Variants in COL5A1 observed in about 807,000 individuals in gnomAD.
COL5A1 encodes collagen alpha-1(V) chain.
In COL5A1, 16 loss-of-function variants were observed where a neutral mutation model predicts 263.7. The ratio of observed to expected loss-of-function variants is 0.06; its 90% CI spans 0.04 to 0.09. The LOEUF (loss-of-function observed/expected upper bound fraction) is 0.09. Among genes scored for constraint, COL5A1 ranks in the 10% least tolerant of loss-of-function variants. The pLI is 1.00. For synonymous variants in COL5A1, 1,012 were observed against 1,004.5 expected (o/e 1.01, Z -0.14); for missense variants, 2,036 against 2,540.5 (o/e 0.80, Z 4.27).
At chr9:134,706,768 G>A (rs1833849955) in intron 4 of COL5A1, among the ~76,000 whole-genome samples, 3 of 152,204 alleles carry the variant, frequency 2.0e-5, no homozygotes, top group Admixed American at 6.5e-5. Context: ...AGCCCTCCCC[G>A]CACAGGCCCT....
At chr9:134,738,592 C>G (rs2093544597) in intron 10 of COL5A1, 77 bp downstream of exon 10, 1 of 1,587,268 alleles carries the variant, frequency 6.3e-7, no homozygotes, top group Non-Finnish European at 8.7e-7. Flanking sequence ...CCTTATGTCT[C>G]CTGGATGGAA....
At position 134,681,038 on chromosome 9, in the gene COL5A1, C is replaced by G. The variant is rs188388623; in HGVS notation, c.110-9874C>G. Among the ~76,000 whole-genome samples, 1 of 152,198 alleles carries G rather than the reference C, an allele frequency of 6.6e-6. No individual in the cohort carries two copies. The highest frequency in any genetic ancestry group is 1.9e-4 in the East Asian group (1 of 5,194). On this transcript the variant is annotated intron_variant, in intron 1 of 65. Coordinates refer to ENST00000371817, the MANE Select transcript of COL5A1 (RefSeq NM_000093.5). The surrounding 1 kb of genome is among the most constrained non-coding windows in gnomAD (Gnocchi z 4.3). The stretch of plus-strand genomic sequence containing the variant: ...CAGGCCCTCTGTGCATTTCCCACCC[C>G]CTGCCCCTTTGCTTTGCTCCCTGGT...
intron 1 of COL5A1, among the ~76,000 whole-genome samples, chr9:134,645,437 G>A (rs534365351): frequency 1.9e-4 from 29 of 152,332 alleles, no homozygotes; most frequent in African/African-American, 7.0e-4. Context: ...GCTGGAGGGC[G>A]AGGATGAGTC....
At chr9:134,746,744 A>C (rs903007825) in intron 11 of COL5A1, among the ~76,000 whole-genome samples, 2 of 152,258 alleles carry the variant, frequency 1.3e-5, no homozygotes, top group Admixed American at 1.3e-4. Context: ...TTTGGGGGCC[A>C]GCTAATGGAG....
intron 26 of COL5A1, among the ~76,000 whole-genome samples, chr9:134,773,520 G>A (rs1408790506): frequency 6.6e-6 from 1 of 152,226 alleles, no homozygotes; most frequent in Non-Finnish European, 1.5e-5. Flanking sequence ...CCGAGCTCAT[G>A]GTCGTCGGGA....
At chr9:134,822,879 T>G in intron 59 of COL5A1, 119 bp from the exon 60 acceptor site, 3 of 1,121,770 alleles carry the variant, frequency 2.7e-6, no homozygotes, top group Non-Finnish European at 4.0e-6. Flanking sequence ...CATAGACTCT[T>G]GAGGGGGATG....
chr9:134,818,807 C>G lies in COL5A1; in HGVS notation c.4339-41C>G, dbSNP rs553985401. 1 of 1,612,348 alleles carries G rather than the reference C, an allele frequency of 6.2e-7. No homozygotes were observed. Among genetic ancestry groups the G allele is most frequent in the African/African-American group, 1.3e-5 (1 of 74,874 alleles). On this transcript the variant is annotated intron_variant, in intron 55 of 65. Coordinates refer to ENST00000371817, the MANE Select transcript of COL5A1 (RefSeq NM_000093.5). This position sits in a 1 kb window ranked among gnomAD's most constrained non-coding sequence, Gnocchi z 6.0. ...GCAGAGGGGTTGCCGAGTGGAGGGACGGGGGACCAGCAACTCATGCAGAGC... is the reference window on the plus strand; with the variant it reads ...GCAGAGGGGTTGCCGAGTGGAGGGAGGGGGGACCAGCAACTCATGCAGAGC...
At chr9:134,807,450 C>T (rs1002192885) in intron 42 of COL5A1, among the ~76,000 whole-genome samples, 1 of 152,222 alleles carries the variant, frequency 6.6e-6, no homozygotes, top group African/African-American at 2.4e-5. Context: ...TGTGCTACCA[C>T]ACCCGGCTAC....
At chr9:134,734,319 T>C (rs923879634) in intron 9 of COL5A1, among the ~76,000 whole-genome samples, 5 of 149,514 alleles carry the variant, frequency 3.3e-5, no homozygotes, top group East Asian at 1.9e-4. Context: ...TTCACCTTTG[T>C]TGGGAAAAGC....
At chr9:134,762,942 CTG>C (rs1266761372) in intron 19 of COL5A1, among the ~76,000 whole-genome samples, 5 of 151,968 alleles carry the variant, frequency 3.3e-5, no homozygotes, top group Admixed American at 2.0e-4. Flanking sequence ...GTGCACGTAT[CTG>C]TGTGCATGCA....
In COL5A1 at chr9:134,818,981, C is replaced by T. The variant is rs186732287; in HGVS notation, c.4393-19C>T. ...AGCCCCAAGGATGAGGACTCTGATC[C>T]CCCTGCCTCCTCCCACAGGGTCCCC... On this transcript the variant is annotated intron_variant, in intron 56 of 65. Transcript: ENST00000371817. The surrounding 1 kb of genome is among the most constrained non-coding windows in gnomAD (Gnocchi z 6.0). 1.6e-4 allele frequency: 258 copies of T among 1,613,374 alleles called. No individual in the cohort carries two copies. Among genetic ancestry groups the T allele is most frequent in the Non-Finnish European group, 1.9e-4 (228 of 1,179,958 alleles).
intron 9 of COL5A1, among the ~76,000 whole-genome samples, chr9:134,735,654 G>A (rs889854803): frequency 1.2e-4 from 18 of 152,366 alleles, no homozygotes; most frequent in African/African-American, 3.1e-4. Flanking sequence ...AGCAATTTGC[G>A]TGTCTGGGAA....
rs534106253 is a variant in COL5A1 at position 134,798,343 on chromosome 9, TA to T, written c.2899-63del. 2.8e-5 allele frequency: 41 copies of T among 1,474,534 alleles called. No homozygotes were observed. The South Asian group carries it at 4.3e-4, about 16-fold the overall frequency. 91.3% of individuals were successfully genotyped at this position (1,474,534 alleles called of 1,614,324 possible). A position where few individuals can be genotyped will look rare whatever the true frequency, so the allele number is the denominator to read the frequency against. On this transcript the variant is annotated intron_variant, in intron 36 of 65. Transcript: ENST00000371817. ...AAATAACGGTCACTCCACGTGGCAT[TA>T]ATTCTCAAAGGTGGTTGCTTCTCAG...
rs1010596500 is a variant in COL5A1 at position 134,755,287 on chromosome 9, G to A, written c.1827+961G>A. 6.6e-6 allele frequency among the ~76,000 whole-genome samples: 1 copy of A among 152,136 alleles called. No homozygotes were observed. The highest frequency in any genetic ancestry group is 2.4e-5 in the African/African-American group (1 of 41,408). On this transcript the variant is annotated intron_variant, in intron 16 of 65. Coordinates refer to ENST00000371817, the MANE Select transcript of COL5A1 (RefSeq NM_000093.5). This position sits in a 1 kb window ranked among gnomAD's most constrained non-coding sequence, Gnocchi z 4.1. ...TGTTTTATTTCCTTAAGGTGTTTTT[G>A]TGTGTCTCCGTAAATCCTTCCCACC... is the stretch of plus-strand genomic sequence containing the variant.
At chr9:134,777,683 C>T (rs920599048) in intron 27 of COL5A1, among the ~76,000 whole-genome samples, 2 of 152,208 alleles carry the variant, frequency 1.3e-5, no homozygotes, top group Non-Finnish European at 2.9e-5. Context: ...TCCTACCTGC[C>T]TGCTCTCAGC....
Position 134,810,237 on chromosome 9 carries a change from C to A in COL5A1, c.3475-18C>A. 1 of 1,613,924 alleles carries A rather than the reference C, an allele frequency of 6.2e-7. No homozygotes were observed. Among genetic ancestry groups the A allele is most frequent in the South Asian group, 1.1e-5 (1 of 91,082 alleles). ...GGTTGTCAAGCTTTCTAACCGAATC[C>A]CCCACACCTTCCCCTAGGGAGAGAT... On this transcript the variant is annotated intron_variant, in intron 43 of 65. Transcript: ENST00000371817.
Position 134,819,784 on chromosome 9 carries a change from C to T in COL5A1, c.4447-332C>T, listed in dbSNP as rs572373494. On this transcript the variant is annotated intron_variant, in intron 57 of 65. Coordinates refer to ENST00000371817, the MANE Select transcript of COL5A1 (RefSeq NM_000093.5). ...TTAGTTCCGTATAGGAGCAGGCGTT[C>T]GGATTTGCCATAGGAAATTGGAGAG... Among the ~76,000 whole-genome samples, 15 of 152,316 alleles carry T rather than the reference C, an allele frequency of 9.8e-5. No individual in the cohort carries two copies. In the South Asian group the frequency reaches 2.7e-3, roughly 27 times the overall value.
chr9:134,703,024 C>T (rs1270703805), intron 4 of COL5A1, among the ~76,000 whole-genome samples: 1 of 152,230 alleles, frequency 6.6e-6, no homozygotes, highest in African/African-American at 2.4e-5. Flanking sequence ...AGCCCCGCGG[C>T]CCAGTGCAGA....
intron 18 of COL5A1, among the ~76,000 whole-genome samples, chr9:134,760,582 TCAGA>T (rs1836350410): frequency 3.1e-5 from 1 of 31,890 alleles, no homozygotes; most frequent in Admixed American, 4.4e-4. Context: ...ACCCCCACAC[TCAGA>T]CACATGCACA....
Sources: allele counts gnomAD v4.1 joint callset (sites outside exome capture counted in the v4.1 genomes callset), GRCh38; gene constraint gnomAD v4.1.1; non-coding constraint Gnocchi (gnomAD v3.1); transcripts MANE v1.5; gene names NCBI Gene and HGNC (gene_info 2026-07-23, HGNC 2026-07-21).